Variants in SYT16 observed in about 807,000 individuals in gnomAD.
SYT16 encodes synaptotagmin 16.
In SYT16, 42 loss-of-function variants were observed where a neutral mutation model predicts 61.4. The ratio of observed to expected loss-of-function variants is 0.68; its 90% CI spans 0.53 to 0.89. The LOEUF is 0.89. SYT16 is among the 40% of genes least tolerant of loss of function. The pLI, the probability that SYT16 is intolerant of heterozygous loss-of-function variation, is 0.00. For missense variants in SYT16, 804 were observed against 807.3 expected, an observed-to-expected ratio of 1.00 and a Z score of 0.05; for synonymous variants, 314 against 302.3, an observed-to-expected ratio of 1.04 and a Z score of -0.40.
chr14:61,877,033 C>T (rs1394479635), intron 1 of SYT16, among the ~76,000 whole-genome samples: 1 of 152,176 alleles, frequency 6.6e-6, no homozygotes, highest in Non-Finnish European at 1.5e-5. Context: ...ATCAGACCTC[C>T]TACCTTTCTT....
intron 1 of SYT16, among the ~76,000 whole-genome samples, chr14:61,899,357 A>T (rs1190666631): frequency 6.6e-6 from 1 of 152,208 alleles, no homozygotes; most frequent in Non-Finnish European, 1.5e-5. Context: ...TTAGAGAAGC[A>T]AACTTTTCCT....
rs533024649 is a variant in SYT16, at chr14:61,904,613, A to G, written c.-324-65519A>G. Among the ~76,000 whole-genome samples, 4 of 152,288 alleles carry G rather than the reference A, an allele frequency of 2.6e-5. No homozygotes were observed. In the East Asian group the frequency reaches 7.7e-4, roughly 29 times the overall value. ...TTCAGATAAAGGGGAGCTACCAAGGAAAGAGTAAATCTGTGTATCTTTGAA... is the reference window on the plus strand; with the variant it reads ...TTCAGATAAAGGGGAGCTACCAAGGGAAGAGTAAATCTGTGTATCTTTGAA... On this transcript the variant is annotated intron_variant, in intron 1 of 7. Coordinates refer to ENST00000683842, the MANE Select transcript of SYT16 (RefSeq NM_001367656.1).
intron 1 of SYT16, among the ~76,000 whole-genome samples, chr14:61,855,242 G>A (rs528719684): frequency 6.6e-6 from 1 of 152,288 alleles, no homozygotes; most frequent in East Asian, 1.9e-4. Context: ...TAAGGAACAA[G>A]TTTATCTTGC....
At chr14:61,864,863 C>T (rs2047088077) in intron 1 of SYT16, 7 of 1,146,858 alleles carry the variant, frequency 6.1e-6, no homozygotes, top group Non-Finnish European at 9.0e-6. Context: ...ATTCTCCCAG[C>T]CACCCCCGGC....
chr14:62,046,514 A>G (rs2054993555), intron 3 of SYT16, among the ~76,000 whole-genome samples: 1 of 152,168 alleles, frequency 6.6e-6, no homozygotes, highest in South Asian at 2.1e-4. Context: ...TGTTTTAGAC[A>G]TGAAGTCCTT....
At chr14:61,835,869 C>G (rs1323270405) in intron 1 of SYT16, among the ~76,000 whole-genome samples, 1 of 152,120 alleles carries the variant, frequency 6.6e-6, no homozygotes, top group East Asian at 1.9e-4. Flanking sequence ...ATTTTCCTAC[C>G]TGGCTCACAG....
At chr14:62,039,986 G>A (rs1410892722) in intron 3 of SYT16, among the ~76,000 whole-genome samples, 1 of 151,928 alleles carries the variant, frequency 6.6e-6, no homozygotes, top group Non-Finnish European at 1.5e-5. Flanking sequence ...AGTTCACGGA[G>A]GGTGTTGAAA....
At position 62,080,045 on chromosome 14, in the gene SYT16, G is replaced by A. The variant is rs144217852; in HGVS notation, c.994-789G>A. Among the ~76,000 whole-genome samples the A allele has an allele frequency of 5.3e-5, 8 of 152,350 alleles. 1 individual carries two copies. The highest frequency in any genetic ancestry group is 1.9e-4 in the African/African-American group (8 of 41,588). ...GTGCATTTTTAAGCTAGACTACCGA[G>A]AGGCTGGTCTATTTGGCCAGGGTAA... On this transcript the variant is annotated intron_variant, in intron 5 of 7. Transcript: ENST00000683842.
chr14:61,847,350 C>T (rs1188614470), intron 1 of SYT16, among the ~76,000 whole-genome samples: 2 of 151,816 alleles, frequency 1.3e-5, no homozygotes, highest in Non-Finnish European at 2.9e-5. Flanking sequence ...CTTTTTTTCC[C>T]CAGCACTTTA....
At chr14:62,100,175 T>C (rs1172137783) in intron 7 of SYT16, among the ~76,000 whole-genome samples, 1 of 152,194 alleles carries the variant, frequency 6.6e-6, no homozygotes, top group Non-Finnish European at 1.5e-5. Context: ...TGCTGGATAG[T>C]GAGCCACATG....
chr14:61,950,237 G>T (rs2050615712), intron 1 of SYT16, among the ~76,000 whole-genome samples: 1 of 152,114 alleles, frequency 6.6e-6, no homozygotes, highest in African/African-American at 2.4e-5. Flanking sequence ...TCTCTAAATT[G>T]GCCTTGATTC....
intron 3 of SYT16, among the ~76,000 whole-genome samples, chr14:62,018,608 A>G (rs1400105308): frequency 6.6e-6 from 1 of 151,910 alleles, no homozygotes; most frequent in Non-Finnish European, 1.5e-5. Flanking sequence ...TGCCTGGTCT[A>G]CCTTGGGTCT....
At chr14:62,029,911 C>G (rs187792362) in intron 3 of SYT16, among the ~76,000 whole-genome samples, 2 of 152,234 alleles carry the variant, frequency 1.3e-5, no homozygotes, top group East Asian at 3.9e-4. Flanking sequence ...TTTTCTGAAT[C>G]ATTTTTGCCA....
Position 62,103,181 on chromosome 14 carries a change from A to G in SYT16, c.*2474A>G, listed in dbSNP as rs185297768. The G allele has an allele frequency of 8.5e-5, 13 of 152,182 alleles. No homozygotes were observed. Among genetic ancestry groups the G allele is most frequent in the Non-Finnish European group, 1.8e-4 (12 of 67,994 alleles). 9.4% of individuals were successfully genotyped at this position (152,182 alleles called of 1,614,324 possible). A position where few individuals can be genotyped will look rare whatever the true frequency, so the allele number is the denominator to read the frequency against. On this transcript the variant is annotated 3_prime_UTR_variant, in exon 8 of 8. Transcript: ENST00000683842. ...AAGATCTTTTGATTTTGTGCACTTA[A>G]ACTCCCTTATTTTCTTGGCAAAGTC...
At chr14:61,827,333 C>T (rs1006247409) in intron 1 of SYT16, among the ~76,000 whole-genome samples, 3 of 152,092 alleles carry the variant, frequency 2.0e-5, no homozygotes, top group African/African-American at 7.2e-5. Flanking sequence ...TGGCATTTCC[C>T]CTGTGTAGGT....
At chr14:61,864,098 A>G (rs1201398085) in intron 1 of SYT16, among the ~76,000 whole-genome samples, 1 of 152,178 alleles carries the variant, frequency 6.6e-6, no homozygotes, top group Admixed American at 6.5e-5. Flanking sequence ...GTTCTGTTTT[A>G]TGTGGAGGAA....
chr14:61,988,592 G>C (rs2052418264), intron 2 of SYT16, among the ~76,000 whole-genome samples: 1 of 152,168 alleles, frequency 6.6e-6, no homozygotes, highest in Non-Finnish European at 1.5e-5. Context: ...TCATGCTCCA[G>C]AGCTATTTGT....
chr14:61,950,228 C>T (rs978767102), intron 1 of SYT16, among the ~76,000 whole-genome samples: 5 of 152,086 alleles, frequency 3.3e-5, no homozygotes, highest in African/African-American at 1.2e-4. Context: ...TTGTTTACGT[C>T]TCTAAATTGG....
At chr14:62,086,595 G>A (rs543456484) in intron 7 of SYT16, among the ~76,000 whole-genome samples, 2 of 152,182 alleles carry the variant, frequency 1.3e-5, no homozygotes, top group Non-Finnish European at 2.9e-5. Context: ...TACTTTATAA[G>A]TTTGCATTCC....
Sources: allele counts gnomAD v4.1 joint callset (sites outside exome capture counted in the v4.1 genomes callset), GRCh38; gene constraint gnomAD v4.1.1; transcripts MANE v1.5; gene names NCBI Gene and HGNC (gene_info 2026-07-23, HGNC 2026-07-21).